The following ERBB4 variants were observed in gnomAD, a reference collection of about 807,000 sequenced individuals.
ERBB4 encodes receptor tyrosine-protein kinase erbB-4.
ERBB4 carries 42 observed loss-of-function variants against 158.0 expected under a neutral mutation model. The ratio of observed to expected loss-of-function variants is 0.27; its 90% CI spans 0.21 to 0.34. ERBB4 has a LOEUF of 0.34. Among genes scored for constraint, ERBB4 ranks in the 10% least tolerant of loss-of-function variants. The pLI is 1.00. For missense variants in ERBB4, 1,333 were observed against 1,624.1 expected (o/e 0.82, Z 3.08); for synonymous variants, 583 against 558.7 (o/e 1.04, Z -0.61).
intron 1 of ERBB4, among the ~76,000 whole-genome samples, chr2:212,364,804 A>G (rs778209796): frequency 1.3e-4 from 19 of 151,802 alleles, no homozygotes; most frequent in Non-Finnish European, 2.4e-4. Flanking sequence ...TATGCATGCC[A>G]GTACACTATC....
chr2:212,533,856 A>T (rs1692887714), intron 1 of ERBB4, among the ~76,000 whole-genome samples: 1 of 152,226 alleles, frequency 6.6e-6, no homozygotes, highest in South Asian at 2.1e-4. Flanking sequence ...ACTGTAAAAG[A>T]TAACAGTGGA....
intron 1 of ERBB4, among the ~76,000 whole-genome samples, chr2:212,247,351 C>T (rs1367147937): frequency 6.6e-6 from 1 of 151,962 alleles, no homozygotes; most frequent in Non-Finnish European, 1.5e-5. Context: ...ATTTGTGTTC[C>T]CTTTTCAAAA....
intron 5 of ERBB4, among the ~76,000 whole-genome samples, chr2:211,746,561 G>A (rs780324364): frequency 1.3e-5 from 2 of 152,136 alleles, no homozygotes; most frequent in African/African-American, 4.8e-5. Context: ...GGGTGCACTG[G>A]CTCACACCTG....
chr2:212,201,404 G>C (rs1172176384), intron 1 of ERBB4, among the ~76,000 whole-genome samples: 1 of 152,148 alleles, frequency 6.6e-6, no homozygotes, highest in Non-Finnish European at 1.5e-5. Context: ...GGATTCACCT[G>C]ATAGTGGATC....
intron 1 of ERBB4, among the ~76,000 whole-genome samples, chr2:212,439,761 T>G (rs1383580386): frequency 6.6e-6 from 1 of 152,176 alleles, no homozygotes; most frequent in Non-Finnish European, 1.5e-5. Context: ...GAATTTATTC[T>G]AAGAAGATGC....
At chr2:211,705,529 G>A in intron 9 of ERBB4, 138 bp from the exon 10 acceptor site, 1 of 658,856 alleles carries the variant, frequency 1.5e-6, no homozygotes, top group South Asian at 1.8e-5. Flanking sequence ...AAATTAATCT[G>A]TGCTAGATGT....
chr2:212,051,126 C>A (rs1388063323), intron 2 of ERBB4, among the ~76,000 whole-genome samples: 1 of 152,124 alleles, frequency 6.6e-6, no homozygotes, highest in East Asian at 1.9e-4. Flanking sequence ...ATGCCTACAC[C>A]TCCTATTCAG....
chr2:212,299,189 A>T (rs2086528969), intron 1 of ERBB4, among the ~76,000 whole-genome samples: 1 of 151,668 alleles, frequency 6.6e-6, no homozygotes, highest in Non-Finnish European at 1.5e-5. Flanking sequence ...TGACTAACAA[A>T]TCAGACCAAC....
chr2:212,133,933 G>A (rs60853158), intron 1 of ERBB4, among the ~76,000 whole-genome samples: 4,348 of 152,248 alleles, frequency 0.029, 146 homozygotes, highest in African/African-American at 0.079. Context: ...TGGTTTCCCT[G>A]TCTACAAAGT....
At chr2:212,092,745 G>T (rs747143805) in intron 2 of ERBB4, among the ~76,000 whole-genome samples, 62 of 152,032 alleles carry the variant, frequency 4.1e-4, no homozygotes, top group Non-Finnish European at 7.8e-4. Flanking sequence ...ATAAAATTAG[G>T]CAATAAGTTG....
At chr2:212,128,864 T>C (rs2080022616) in intron 1 of ERBB4, among the ~76,000 whole-genome samples, 1 of 152,188 alleles carries the variant, frequency 6.6e-6, no homozygotes, top group Admixed American at 6.5e-5. Context: ...TTCATGTGCA[T>C]ATTCCTTATA....
At chr2:212,325,018 CAAA>C (rs77736755) in intron 1 of ERBB4, among the ~76,000 whole-genome samples, 3 of 149,038 alleles carry the variant, frequency 2.0e-5, no homozygotes, top group East Asian at 2.0e-4. Flanking sequence ...ACAAGCAACC[CAAA>C]AAAAAACTCT....
chr2:212,458,136 T>C (rs1008287393), intron 1 of ERBB4, among the ~76,000 whole-genome samples: 2 of 151,634 alleles, frequency 1.3e-5, no homozygotes, highest in African/African-American at 4.8e-5. Context: ...GTCATATACT[T>C]TGCCATTTGC....
intron 1 of ERBB4, among the ~76,000 whole-genome samples, chr2:212,493,842 G>A (rs1428572980): frequency 1.3e-5 from 2 of 151,690 alleles, no homozygotes; most frequent in East Asian, 1.9e-4. Flanking sequence ...TCTTCAGTCT[G>A]AATAAGCCCA....
In ERBB4 at chr2:211,701,756, CAAAAAAAAAAAA is replaced by C. The variant is rs71409856; in HGVS notation, c.1489+199_1489+210del. Among the ~76,000 whole-genome samples the C allele has an allele frequency of 7.5e-5, 5 of 66,648 alleles. 1 individual carries two copies. In the South Asian group the frequency reaches 1.6e-3, roughly 21 times the overall value. 43.7% of individuals were successfully genotyped at this position (66,648 alleles called of 152,430 possible). A position where few individuals can be genotyped will look rare whatever the true frequency, so the allele number is the denominator to read the frequency against. Reference sequence around the variant, plus strand: ...GGGGCAACAGAGCGAGACTCCGTCTCAAAAAAAAAAAAAAAAAAAAAAAAAAAAGAAAGTCAC... The same window carrying C: ...GGGGCAACAGAGCGAGACTCCGTCTCAAAAAAAAAAAAAAAAGAAAGTCAC... On this transcript the variant is annotated intron_variant, in intron 12 of 27. Coordinates refer to ENST00000342788, the MANE Select transcript of ERBB4 (RefSeq NM_005235.3).
chr2:211,897,918 G>A (rs928847745), intron 3 of ERBB4, among the ~76,000 whole-genome samples: 67 of 151,618 alleles, frequency 4.4e-4, no homozygotes, highest in Non-Finnish European at 8.3e-4. Flanking sequence ...AACAGTGCCC[G>A]GTTAATATTT....
At chr2:211,594,896 A>G (rs560613880) in intron 19 of ERBB4, among the ~76,000 whole-genome samples, 1 of 152,292 alleles carries the variant, frequency 6.6e-6, no homozygotes, top group East Asian at 1.9e-4. Context: ...GCAATCCAAG[A>G]CTGAAATAGT....
intron 20 of ERBB4, among the ~76,000 whole-genome samples, chr2:211,471,755 G>T (rs2064832703): frequency 6.6e-6 from 1 of 152,064 alleles, no homozygotes; most frequent in South Asian, 2.1e-4. Flanking sequence ...GACAAAGTTT[G>T]GTAGGACAGG....
chr2:212,167,243 C>T (rs550383564), intron 1 of ERBB4, among the ~76,000 whole-genome samples: 1 of 151,684 alleles, frequency 6.6e-6, no homozygotes, highest in African/African-American at 2.4e-5. Context: ...AACAAATTTA[C>T]AAGAAAAAAA....
Sources: gnomAD v4.1 joint callset for allele counts (sites outside exome capture counted in the v4.1 genomes callset) on GRCh38, gnomAD v4.1.1 for gene constraint, MANE v1.5 for transcripts, NCBI Gene and HGNC (gene_info 2026-07-23, HGNC 2026-07-21) for gene names.